Variants in USP34 observed in about 807,000 individuals in gnomAD.
USP34 encodes the protein ubiquitin specific peptidase 34, also known as ubiquitin carboxyl-terminal hydrolase 34.
USP34 carries 70 observed loss-of-function variants against 460.3 expected under a neutral mutation model. That is an observed-to-expected ratio of 0.15 (90% confidence interval 0.13 to 0.19). The LOEUF (loss-of-function observed/expected upper bound fraction) is 0.19, where lower values mean the gene tolerates loss of function less well. USP34 is among the 10% of genes least tolerant of loss of function. USP34 has a pLI of 1.00. For synonymous variants in USP34, 1,647 were observed against 1,405.3 expected (o/e 1.17, Z -3.85); for missense variants, 3,985 against 4,236.2 (o/e 0.94, Z 1.65).
chr2:61,453,510 G>C (rs1052021328), intron 1 of USP34, among the ~76,000 whole-genome samples: 2 of 151,700 alleles, frequency 1.3e-5, no homozygotes, highest in Non-Finnish European at 2.9e-5. Flanking sequence ...AGGAGTTCAA[G>C]ACCAGCCTCG....
intron 74 of USP34, among the ~76,000 whole-genome samples, chr2:61,203,818 GAAGA>G (rs1204957543): frequency 2.0e-5 from 3 of 151,550 alleles, no homozygotes; most frequent in Non-Finnish European, 4.4e-5. Context: ...ATATGAGTTA[GAAGA>G]AAGGAACCAG....
chr2:61,228,540 T>C (rs1687796046), intron 61 of USP34, 105 bp downstream of exon 61: 1 of 924,494 alleles, frequency 1.1e-6, no homozygotes, highest in East Asian at 2.5e-5. Flanking sequence ...TAACACCAGG[T>C]TCCAGAAGGG....
At chr2:61,254,432 A>C (rs1688666696) in intron 48 of USP34, among the ~76,000 whole-genome samples, 1 of 152,216 alleles carries the variant, frequency 6.6e-6, no homozygotes, top group African/African-American at 2.4e-5. Context: ...CCATCGTGTT[A>C]CCAATCTTGT....
chr2:61,230,004 T>G (rs570250792), intron 58 of USP34, among the ~76,000 whole-genome samples: 1 of 152,064 alleles, frequency 6.6e-6, no homozygotes, highest in South Asian at 2.1e-4. Flanking sequence ...GGTCAGCAGC[T>G]AGGAGAAGGA....
chr2:61,339,260 G>T, intron 18 of USP34, 91 bp downstream of exon 18: 1 of 1,284,694 alleles, frequency 7.8e-7, no homozygotes, highest in Non-Finnish European at 1.1e-6. Flanking sequence ...ATATGAAACA[G>T]TATAAAAACA....
chr2:61,220,654 T>A (rs904705184), intron 66 of USP34, among the ~76,000 whole-genome samples, 197 bp from the exon 67 acceptor site: 1 of 152,222 alleles, frequency 6.6e-6, no homozygotes, highest in African/African-American at 2.4e-5. Context: ...CAGAAAAATA[T>A]GTCACTGGTT....
chr2:61,260,473 A>G (rs938774469), intron 43 of USP34, among the ~76,000 whole-genome samples: 18 of 152,224 alleles, frequency 1.2e-4, no homozygotes, highest in Non-Finnish European at 1.5e-4. Context: ...GTCTTGTGGA[A>G]TAATAGGCGT....
At chr2:61,451,184 G>C (rs1695262493) in intron 1 of USP34, among the ~76,000 whole-genome samples, 1 of 118,930 alleles carries the variant, frequency 8.4e-6, no homozygotes, top group African/African-American at 3.4e-5. Flanking sequence ...TCATGCCACT[G>C]CACTCCAGCC....
Position 61,333,761 on chromosome 2 carries a change from C to T in USP34, c.2834+121G>A, listed in dbSNP as rs566141122. The stretch of plus-strand genomic sequence containing the variant: ...TGGCAGAAAAATCTAAGAAAACAAA[C>T]CACATGAAACTCAAATTTTCCTGGT... On this transcript the variant is annotated intron_variant, in intron 19 of 79. Coordinates refer to ENST00000398571, the MANE Select transcript of USP34 (RefSeq NM_014709.4). The T allele has an allele frequency of 5.6e-4, 313 of 554,896 alleles. 1 individual carries two copies. In the African/African-American group the frequency reaches 5.7e-3, roughly 10 times the overall value. The allele number at this position is 554,896 out of a possible 1,614,324, so 34.4% of individuals were successfully genotyped here.
chr2:61,193,589 T>G (rs1429941350), intron 75 of USP34, among the ~76,000 whole-genome samples: 2 of 152,156 alleles, frequency 1.3e-5, no homozygotes, highest in African/African-American at 4.8e-5. Context: ...ACTTCTTGAC[T>G]ATTCCAGATG....
At chr2:61,328,731 A>T (rs1214665558) in intron 20 of USP34, among the ~76,000 whole-genome samples, 1 of 152,226 alleles carries the variant, frequency 6.6e-6, no homozygotes, top group Non-Finnish European at 1.5e-5. Flanking sequence ...CAAAGTGAGT[A>T]ACTTCACTGT....
chr2:61,339,962 C>T (rs1691539338), intron 16 of USP34, among the ~76,000 whole-genome samples: 3 of 152,038 alleles, frequency 2.0e-5, no homozygotes, highest in Admixed American at 6.6e-5. Flanking sequence ...TAAGCCACTG[C>T]ACCCAGCATG....
At chr2:61,457,371 T>C (rs577378833) in intron 1 of USP34, among the ~76,000 whole-genome samples, 36 of 152,324 alleles carry the variant, frequency 2.4e-4, no homozygotes, top group Middle Eastern at 3.4e-3. Flanking sequence ...AATAAAGTCC[T>C]GATTATGTTA....
At chr2:61,405,392 ATG>A (rs899852427) in intron 3 of USP34, among the ~76,000 whole-genome samples, 6 of 151,912 alleles carry the variant, frequency 3.9e-5, no homozygotes, top group East Asian at 1.9e-4. Context: ...TTAAAATTCC[ATG>A]TGTTTCTTTT....
intron 75 of USP34, among the ~76,000 whole-genome samples, chr2:61,196,098 T>TTTTTTTTTTG (rs1686798670): frequency 7.1e-6 from 1 of 139,886 alleles, no homozygotes. Context: ...TTTTTTTTTT[T>TTTTTTTTTTG]GAGACGGAGT....
chr2:61,337,751 C>A (rs925822097), intron 18 of USP34, among the ~76,000 whole-genome samples: 1 of 152,142 alleles, frequency 6.6e-6, no homozygotes, highest in South Asian at 2.1e-4. Context: ...CTACTGCGCC[C>A]GGCCTAGTTA....
intron 2 of USP34, among the ~76,000 whole-genome samples, chr2:61,415,428 C>G (rs1694166510): frequency 6.6e-6 from 1 of 151,982 alleles, no homozygotes; most frequent in African/African-American, 2.4e-5. Flanking sequence ...CATTGCTGAG[C>G]AACATTTTTA....
In USP34 at chr2:61,188,980, G is replaced by T; in HGVS notation, c.9963C>A (p.Ser3321Arg). Reference sequence around the variant, plus strand: ...TCTGTTGCAGACAAGTCCTGCATTTGCTTAAAAGCTCTTGCAGAGTTGGAA... The same window carrying T: ...TCTGTTGCAGACAAGTCCTGCATTTTCTTAAAAGCTCTTGCAGAGTTGGAA... ...ALIPTLQELL[S>R]KCRTCLQQRN... Residue 3321 changes from serine to arginine, a missense_variant, in exon 79 of 80, where the codon AGC becomes AGA. This residue lies in a region of USP34 where 506 missense variants were observed against 439.0 expected (regional missense o/e 1.15). Coordinates refer to ENST00000398571, the MANE Select transcript of USP34 (RefSeq NM_014709.4). The T allele has an allele frequency of 6.2e-7, 1 of 1,614,168 alleles. No individual in the cohort carries two copies. Among genetic ancestry groups the T allele is most frequent in the Non-Finnish European group, 8.5e-7 (1 of 1,180,030 alleles).
In USP34 at chr2:61,293,452, A is replaced by C; in HGVS notation, c.4548+12T>G. 6.2e-7 allele frequency: 1 copy of C among 1,603,868 alleles called. No homozygotes were observed. Among genetic ancestry groups the C allele is most frequent in the Non-Finnish European group, 8.5e-7 (1 of 1,173,356 alleles). Reference sequence around the variant, plus strand: ...CTACTGTAACTAGTTGAAACCATAAATATGCACTTACCACAGTCCATGATT... The same window carrying C: ...CTACTGTAACTAGTTGAAACCATAACTATGCACTTACCACAGTCCATGATT... On this transcript the variant is annotated intron_variant, in intron 33 of 79. Transcript: ENST00000398571.
Sources: gnomAD v4.1 joint callset for allele counts (sites outside exome capture counted in the v4.1 genomes callset) on GRCh38, gnomAD v4.1.1 for gene constraint, gnomAD v4.1.1 regional missense constraint, MANE v1.5 for transcripts, NCBI Gene and HGNC (gene_info 2026-07-23, HGNC 2026-07-21) for gene names.